The following PDZD2 variants were observed in gnomAD, a reference collection of about 807,000 sequenced individuals.
The protein encoded by PDZD2 is PDZ domain containing 2.
PDZD2 carries 90 observed loss-of-function variants against 220.7 expected under a neutral mutation model. The ratio of observed to expected loss-of-function variants is 0.41; its 90% CI spans 0.34 to 0.49. The LOEUF is 0.49. Among genes scored for constraint, PDZD2 ranks in the 20% least tolerant of loss-of-function variants. The pLI is 0.28. For synonymous variants in PDZD2, 1,375 were observed against 1,450.5 expected, an observed-to-expected ratio of 0.95 and a Z score of 1.18; for missense variants, 3,174 against 3,608.5, an observed-to-expected ratio of 0.88 and a Z score of 3.08.
At chr5:31,680,986 C>T (rs185739822) in intron 1 of PDZD2, among the ~76,000 whole-genome samples, 1 of 152,210 alleles carries the variant, frequency 6.6e-6, no homozygotes, top group East Asian at 1.9e-4. Flanking sequence ...GATCTGAATT[C>T]CTTCCCAAGA....
intron 6 of PDZD2, among the ~76,000 whole-genome samples, chr5:32,028,662 ATTTT>A (rs749566544): frequency 1.5e-5 from 1 of 66,916 alleles, no homozygotes; most frequent in African/African-American, 3.8e-5. Flanking sequence ...TGCTCCTTCT[ATTTT>A]TTTTTTTTGT....
chr5:32,000,602 C>G lies in PDZD2; in HGVS notation c.1254+331C>G, dbSNP rs1246429630. Among the ~76,000 whole-genome samples the G allele has an allele frequency of 6.6e-6, 1 of 152,170 alleles. No individual in the cohort carries two copies. On this transcript the variant is annotated intron_variant, in intron 5 of 24. Coordinates refer to ENST00000438447, the MANE Select transcript of PDZD2 (RefSeq NM_178140.4). This position sits in a 1 kb window ranked among gnomAD's most constrained non-coding sequence, Gnocchi z 4.5. Reference sequence around the variant, plus strand: ...CTCGGCTCACCGCAACCTCCACCTTCCGGATTCAAGCAGTTCTCCTGCCTC... The same window carrying G: ...CTCGGCTCACCGCAACCTCCACCTTGCGGATTCAAGCAGTTCTCCTGCCTC...
chr5:31,909,824 A>C (rs1478097475), intron 2 of PDZD2, among the ~76,000 whole-genome samples: 1 of 152,216 alleles, frequency 6.6e-6, no homozygotes, highest in Non-Finnish European at 1.5e-5. Flanking sequence ...CAGCTGAGTC[A>C]GTTTTAAGGG....
chr5:31,893,285 A>G (rs1741227218), intron 2 of PDZD2, among the ~76,000 whole-genome samples: 1 of 151,884 alleles, frequency 6.6e-6, no homozygotes. Context: ...AAAAACAAAA[A>G]CCTGGCTGGG....
In PDZD2 at chr5:31,828,996, G is replaced by C. The variant is rs538757810; in HGVS notation, c.476+29272G>C. On this transcript the variant is annotated intron_variant, in intron 2 of 24. Coordinates refer to ENST00000438447, the MANE Select transcript of PDZD2 (RefSeq NM_178140.4). ...AGGCTACTTTTGCAGCATCAGCTCT[G>C]AATCAAGTCAAGTAAGGAGAAACCT... is the stretch of plus-strand genomic sequence containing the variant. 8.2e-4 allele frequency among the ~76,000 whole-genome samples: 125 copies of C among 152,300 alleles called. 5 individuals carry two copies. The South Asian group carries it at 0.025, about 30-fold the overall frequency.
At chr5:31,963,489 T>A (rs1748436938) in intron 2 of PDZD2, among the ~76,000 whole-genome samples, 1 of 152,128 alleles carries the variant, frequency 6.6e-6, no homozygotes, top group South Asian at 2.1e-4. Flanking sequence ...TACATCTGAT[T>A]TATTCGTGGT....
chr5:32,096,702 T>G (rs1187647467), intron 21 of PDZD2, among the ~76,000 whole-genome samples: 1 of 152,212 alleles, frequency 6.6e-6, no homozygotes, highest in Non-Finnish European at 1.5e-5. Context: ...GGCCTTGATA[T>G]GCTCTTATCC....
In PDZD2 at chr5:31,992,419, T is replaced by C. The variant is rs1751290664; in HGVS notation, c.979-3157T>C. Among the ~76,000 whole-genome samples the C allele has an allele frequency of 2.2e-5, 3 of 134,208 alleles. No homozygotes were observed. In the South Asian group the frequency reaches 7.5e-4, roughly 33 times the overall value. The allele number at this position is 134,208 out of a possible 152,430, so 88.0% of individuals were successfully genotyped here. Reference sequence around the variant, plus strand: ...ATGTGGGTGCTCTTGATGGAAAGTGTCTTGAACTCTTCTGTCAGTATATAT... The same window carrying C: ...ATGTGGGTGCTCTTGATGGAAAGTGCCTTGAACTCTTCTGTCAGTATATAT... On this transcript the variant is annotated intron_variant, in intron 3 of 24. Transcript: ENST00000438447.
intron 2 of PDZD2, among the ~76,000 whole-genome samples, chr5:31,830,306 CA>C (rs1443733244): frequency 2.0e-5 from 3 of 149,840 alleles, no homozygotes; most frequent in Non-Finnish European, 4.4e-5. Context: ...GCTGGGACTA[CA>C]GGCGCCCACC....
At chr5:31,906,653 G>A (rs1249311080) in intron 2 of PDZD2, among the ~76,000 whole-genome samples, 2 of 151,990 alleles carry the variant, frequency 1.3e-5, no homozygotes, top group East Asian at 3.9e-4. Flanking sequence ...GACCTGCCTG[G>A]CCAACATGGT....
In PDZD2 at chr5:32,088,518, C is replaced by T. The variant is rs763711829; in HGVS notation, c.5070C>T (p.Pro1690=). The change falls in exon 20 of 25, where the codon CCC becomes CCT. Residue 1690 remains proline, a synonymous_variant. Coordinates refer to ENST00000438447, the MANE Select transcript of PDZD2 (RefSeq NM_178140.4). The surrounding 1 kb of genome is among the most constrained non-coding windows in gnomAD (Gnocchi z 4.6). ...TAAGCACTTCACAGAACCACAGGCC[C>T]TCGTGTGCAGAAGAAACCACAGAAG... ...ADISTSQNHR[P]SCAEETTEVT... 2.6e-4 allele frequency: 413 copies of T among 1,614,004 alleles called. No homozygotes were observed. The highest frequency in any genetic ancestry group is 4.4e-5 in the South Asian group (4 of 91,090).
chr5:32,090,104 C>A lies in PDZD2; in HGVS notation c.6656C>A (p.Ala2219Glu). Residue 2219 changes from alanine (A) to glutamate (E), a missense_variant, in exon 20 of 25, where the codon GCG becomes GAG. This residue lies in a region of PDZD2 where 631 missense variants were observed against 789.9 expected (regional missense o/e 0.80). Coordinates refer to ENST00000438447, the MANE Select transcript of PDZD2 (RefSeq NM_178140.4). The surrounding 1 kb of genome is among the most constrained non-coding windows in gnomAD (Gnocchi z 4.3). ...EDHLYFTPRP[A>E]TRTYSMPAQF... ...CATCTCTACTTCACCCCAAGGCCAGCGACCAGGACCTACTCCATGCCAGCC... is the reference window on the plus strand; with the variant it reads ...CATCTCTACTTCACCCCAAGGCCAGAGACCAGGACCTACTCCATGCCAGCC... The A allele has an allele frequency of 6.2e-7, 1 of 1,613,788 alleles. No homozygotes were observed. Among genetic ancestry groups the A allele is most frequent in the Non-Finnish European group, 8.5e-7 (1 of 1,179,984 alleles).
At chr5:32,107,916 T>C in intron 24 of PDZD2, 53 bp from the exon 25 acceptor site, 2 of 1,308,730 alleles carry the variant, frequency 1.5e-6, no homozygotes, top group Non-Finnish European at 2.1e-6. Context: ...CTTAGGATTT[T>C]TGAATACTAT....
At chr5:31,861,344 G>A (rs934975351) in intron 2 of PDZD2, among the ~76,000 whole-genome samples, 2 of 152,202 alleles carry the variant, frequency 1.3e-5, no homozygotes, top group African/African-American at 4.8e-5. Flanking sequence ...TACAGGTGGA[G>A]ATTTATTTAT....
At chr5:31,867,139 TC>T (rs1458226856) in intron 2 of PDZD2, among the ~76,000 whole-genome samples, 2 of 152,206 alleles carry the variant, frequency 1.3e-5, no homozygotes, top group African/African-American at 4.8e-5. Flanking sequence ...CCACCAGGTA[TC>T]CTTTAAAAAG....
In PDZD2 at chr5:32,108,309, A is replaced by AATT. The variant is rs1195293306; in HGVS notation, c.*176_*178dup. The AATT allele has an allele frequency of 8.7e-6, 4 of 459,968 alleles. No homozygotes were observed. The highest frequency in any genetic ancestry group is 1.5e-5 in the Non-Finnish European group (4 of 263,964). The allele number at this position is 459,968 out of a possible 1,614,324, so 28.5% of individuals were successfully genotyped here. On this transcript the variant is annotated 3_prime_UTR_variant, in exon 25 of 25. Transcript: ENST00000438447. ...TTAACTGTATGTGCAACAGCAATGAAATTAACTCCAGAAGCCTTCCACCTG... is the reference window on the plus strand; with the variant it reads ...TTAACTGTATGTGCAACAGCAATGAAATTATTAACTCCAGAAGCCTTCCACCTG...
chr5:32,084,948 C>CT (rs745430355), intron 19 of PDZD2, among the ~76,000 whole-genome samples: 1,059 of 94,480 alleles, frequency 0.011, 140 homozygotes, highest in African/African-American at 0.026. Flanking sequence ...ATTCTGTTGC[C>CT]TTTTTTTTTT....
chr5:32,090,776 A>G lies in PDZD2; in HGVS notation c.7328A>G (p.Lys2443Arg), dbSNP rs1218810836. The G allele has an allele frequency of 3.1e-6, 5 of 1,614,062 alleles. No individual in the cohort carries two copies. Among genetic ancestry groups the G allele is most frequent in the Non-Finnish European group, 3.4e-6 (4 of 1,180,046 alleles). Reference protein sequence around the residue: ...TSSKGSDSELKKSLGPLGIPT... With the variant: ...TSSKGSDSELRKSLGPLGIPT... ...AGCAAGGGCTCTGATTCGGAACTAAAGAAATCACTTGGTCCTTTGGGAATT... is the reference window on the plus strand; with the variant it reads ...AGCAAGGGCTCTGATTCGGAACTAAGGAAATCACTTGGTCCTTTGGGAATT... Residue 2443 changes from lysine to arginine, a missense_variant, in exon 20 of 25, where the codon AAG becomes AGG. Physicochemically the swap from Lys to Arg is conservative, Grantham distance 26 (BLOSUM62 2). This residue lies in a region of PDZD2 where 631 missense variants were observed against 789.9 expected (regional missense o/e 0.80). Coordinates refer to ENST00000438447, the MANE Select transcript of PDZD2 (RefSeq NM_178140.4). This position sits in a 1 kb window ranked among gnomAD's most constrained non-coding sequence, Gnocchi z 4.3.
intron 1 of PDZD2, among the ~76,000 whole-genome samples, chr5:31,770,036 G>A (rs919005068): frequency 7.2e-5 from 11 of 152,098 alleles, no homozygotes; most frequent in East Asian, 1.9e-4. Context: ...CTTCTTTTCC[G>A]AAAGATGAAA....
Sources: allele counts gnomAD v4.1 joint callset (sites outside exome capture counted in the v4.1 genomes callset), GRCh38; gene constraint gnomAD v4.1.1; regional missense constraint gnomAD v4.1.1; non-coding constraint Gnocchi (gnomAD v3.1); transcripts MANE v1.5; gene names NCBI Gene and HGNC (gene_info 2026-07-23, HGNC 2026-07-21).